The following PCGF5 variants were observed in gnomAD, a reference collection of about 807,000 sequenced individuals.
The protein encoded by PCGF5 is polycomb group ring finger 5.
A neutral mutation model predicts 44.3 loss-of-function variants in PCGF5; 9 were observed. That is an observed-to-expected ratio of 0.20 (90% CI 0.12 to 0.35). PCGF5 has a LOEUF of 0.35. Among genes scored for constraint, PCGF5 ranks in the 10% least tolerant of loss-of-function variants. The pLI, the probability that PCGF5 is intolerant of heterozygous loss-of-function variation, is 1.00. For synonymous variants in PCGF5, 95 were observed against 102.5 expected, an observed-to-expected ratio of 0.93 and a Z score of 0.44; for missense variants, 146 against 305.3, an observed-to-expected ratio of 0.48 and a Z score of 3.89.
chr10:91,255,005 C>G (rs1474088649), intron 6 of PCGF5, among the ~76,000 whole-genome samples: 11 of 152,056 alleles, frequency 7.2e-5, no homozygotes, highest in Non-Finnish European at 1.6e-4. Flanking sequence ...ATTGCAGCCT[C>G]TCAGGGACCA....
rs542068010 is a variant in PCGF5 at position 91,214,482 on chromosome 10, C to T, written c.-183-8207C>T. The stretch of plus-strand genomic sequence containing the variant: ...CAGAAGAAGGGACTATACTTAGCTA[C>T]CTCTGGGTTAGAGAATTTAAGGGAA... On this transcript the variant is annotated intron_variant, in intron 1 of 9. Coordinates refer to the PCGF5 transcript ENST00000614189. Among the ~76,000 whole-genome samples, 5 of 152,240 alleles carry T rather than the reference C, an allele frequency of 3.3e-5. No homozygotes were observed. In the South Asian group the frequency reaches 1.0e-3, roughly 32 times the overall value.
chr10:91,198,708 G>T lies in PCGF5; in HGVS notation c.-183-23981G>T, dbSNP rs570318466. ...TCTCCCTGGCCTATTCAGTAGCATT[G>T]AATCAATCCTGAGTTTAATTAGCAG... On this transcript the variant is annotated intron_variant, in intron 1 of 9. Transcript: ENST00000614189. Among the ~76,000 whole-genome samples the T allele has an allele frequency of 2.6e-5, 4 of 152,304 alleles. No homozygotes were observed. In the East Asian group the frequency reaches 7.7e-4, roughly 29 times the overall value.
At chr10:91,185,312 T>C (rs1470038148) in intron 1 of PCGF5, among the ~76,000 whole-genome samples, 2 of 152,222 alleles carry the variant, frequency 1.3e-5, no homozygotes, top group African/African-American at 4.8e-5. Context: ...AGAGCAGCTG[T>C]GCTGTGCTGG....
At chr10:91,227,663 C>A in intron 2 of PCGF5, 5 of 1,105,326 alleles carry the variant, frequency 4.5e-6, no homozygotes, top group Non-Finnish European at 5.6e-6. Context: ...TTATCATTAT[C>A]ACTCTTAACC....
At chr10:91,200,904 G>A (rs1352812020) in intron 1 of PCGF5, among the ~76,000 whole-genome samples, 1 of 152,118 alleles carries the variant, frequency 6.6e-6, no homozygotes, top group Non-Finnish European at 1.5e-5. Flanking sequence ...GATAACATTA[G>A]CTGTGTTCGT....
the PCGF5 span, among the ~76,000 whole-genome samples, chr10:91,156,221 T>C: frequency 0.077 from 11,680 of 152,126 alleles, 515 homozygotes; most frequent in Non-Finnish European, 0.1. Flanking sequence ...GAGGGTATGG[T>C]GTGCCACATA....
upstream of PCGF5, among the ~76,000 whole-genome samples, chr10:91,218,079 G>T (rs1182273335): frequency 6.6e-6 from 1 of 152,204 alleles, no homozygotes; most frequent in Non-Finnish European, 1.5e-5. Flanking sequence ...GAGCCACCGT[G>T]CGCAGCCCTA....
intron 1 of PCGF5, among the ~76,000 whole-genome samples, chr10:91,203,007 C>T (rs1844280434): frequency 6.6e-6 from 1 of 152,070 alleles, no homozygotes; most frequent in Non-Finnish European, 1.5e-5. Context: ...ACAGGCCAAA[C>T]ATGATTTAAA....
At chr10:91,251,966 A>G (rs1845632728) in intron 6 of PCGF5, among the ~76,000 whole-genome samples, 1 of 152,022 alleles carries the variant, frequency 6.6e-6, no homozygotes, top group Admixed American at 6.6e-5. Flanking sequence ...GTTATTTCCT[A>G]TAGAATCTCC....
At chr10:91,273,948 T>G (rs1846246337) in intron 9 of PCGF5, among the ~76,000 whole-genome samples, 1 of 151,648 alleles carries the variant, frequency 6.6e-6, no homozygotes, top group African/African-American at 2.4e-5. Context: ...TGTGAAGTCC[T>G]GATGTTTTCC....
intron 2 of PCGF5, among the ~76,000 whole-genome samples, chr10:91,230,633 TCTCA>T (rs1844977029): frequency 6.6e-6 from 1 of 152,112 alleles, no homozygotes; most frequent in Non-Finnish European, 1.5e-5. Context: ...AGAGACAGGG[TCTCA>T]CTCTGTCGCC....
intron 1 of PCGF5, among the ~76,000 whole-genome samples, chr10:91,197,823 A>G (rs1359072242): frequency 6.6e-6 from 1 of 152,176 alleles, no homozygotes; most frequent in African/African-American, 2.4e-5. Flanking sequence ...TTGTGAACTT[A>G]TTTAAAAACA....
rs904046307 is a variant in PCGF5, at chr10:91,282,175, GT to G, written c.*3866del. On this transcript the variant is annotated 3_prime_UTR_variant, in exon 10 of 10. Coordinates refer to ENST00000336126, the MANE Select transcript of PCGF5 (RefSeq NM_032373.5). ...TCAAAATATTTCATAAGGACCTGTG[GT>G]TTTTTTCCCCTTAAAAAGCAACTCT... 1 of 152,204 alleles carries G rather than the reference GT, an allele frequency of 6.6e-6. No homozygotes were observed. Among genetic ancestry groups the G allele is most frequent in the Non-Finnish European group, 1.5e-5 (1 of 68,012 alleles). The allele number at this position is 152,204 out of a possible 1,614,324, so 9.4% of individuals were successfully genotyped here. A position where few individuals can be genotyped will look rare whatever the true frequency, so the allele number is the denominator to read the frequency against.
chr10:91,276,617 CAA>C (rs1032083895), intron 9 of PCGF5, among the ~76,000 whole-genome samples: 2 of 152,108 alleles, frequency 1.3e-5, no homozygotes, highest in Non-Finnish European at 2.9e-5. Flanking sequence ...GAGGAGAAAA[CAA>C]AATCATTTTC....
At chr10:91,200,223 G>A (rs1331277665) in intron 1 of PCGF5, among the ~76,000 whole-genome samples, 1 of 152,252 alleles carries the variant, frequency 6.6e-6, no homozygotes, top group Non-Finnish European at 1.5e-5. Flanking sequence ...GTAGAGATGA[G>A]CGTGGAGGAG....
intron 1 of PCGF5, among the ~76,000 whole-genome samples, chr10:91,205,698 G>T (rs1844335355): frequency 6.6e-6 from 1 of 152,176 alleles, no homozygotes; most frequent in South Asian, 2.1e-4. Flanking sequence ...TAAAACTGAG[G>T]CTGGGCGTGG....
chr10:91,170,277 A>G (rs1261971425), intron 1 of PCGF5, among the ~76,000 whole-genome samples: 3 of 152,264 alleles, frequency 2.0e-5, no homozygotes, highest in Non-Finnish European at 2.9e-5. Context: ...GCTGGACTTC[A>G]TAAAAATTTA....
At chr10:91,164,298 G>T (rs1415717136) in intron 1 of PCGF5, among the ~76,000 whole-genome samples, 1 of 152,220 alleles carries the variant, frequency 6.6e-6, no homozygotes, top group Non-Finnish European at 1.5e-5. Flanking sequence ...CAAAAGGGCA[G>T]CGGGGTCCCC....
chr10:91,279,134 C>A lies in PCGF5; in HGVS notation c.*818C>A, dbSNP rs911165197. 3 of 152,182 alleles carry A rather than the reference C, an allele frequency of 2.0e-5. No individual in the cohort carries two copies. Among genetic ancestry groups the A allele is most frequent in the East Asian group, 3.8e-4 (2 of 5,204 alleles). 9.4% of individuals were successfully genotyped at this position (152,182 alleles called of 1,614,324 possible). A position where few individuals can be genotyped will look rare whatever the true frequency, so the allele number is the denominator to read the frequency against. On this transcript the variant is annotated 3_prime_UTR_variant, in exon 10 of 10. Transcript: ENST00000336126. ...GACAAGCAGGTGCTGCTTCATGAAA[C>A]GTCATTGTATAGCCCATTTCATGTA...
Sources: gnomAD v4.1 joint callset for allele counts (sites outside exome capture counted in the v4.1 genomes callset) on GRCh38, gnomAD v4.1.1 for gene constraint, MANE v1.5 for transcripts, NCBI Gene and HGNC (gene_info 2026-07-23, HGNC 2026-07-21) for gene names.